Variants in INPP4B observed in about 807,000 individuals in gnomAD.
INPP4B encodes inositol polyphosphate 4-phosphatase type II.
In INPP4B, 55 loss-of-function variants were observed where a neutral mutation model predicts 122.5. The ratio of observed to expected loss-of-function variants is 0.45; its 90% confidence interval spans 0.36 to 0.56. The LOEUF is 0.56. Ranked by LOEUF, INPP4B falls within the 20% of genes least tolerant of loss-of-function variation. The probability of loss-of-function intolerance (pLI) is 0.00; values close to 1 mark genes in which losing one functional copy is unlikely to be tolerated. For synonymous variants in INPP4B, 403 were observed against 388.7 expected (o/e 1.04, Z -0.43); for missense variants, 1,000 against 1,097.7 (o/e 0.91, Z 1.26).
intron 7 of INPP4B, among the ~76,000 whole-genome samples, chr4:142,323,827 T>C (rs1017909487): frequency 2.0e-5 from 3 of 151,724 alleles, no homozygotes; most frequent in African/African-American, 7.3e-5. Context: ...CCTTTTTATG[T>C]GAGGCAAATG....
chr4:142,262,463 G>A (rs923103478), intron 10 of INPP4B, among the ~76,000 whole-genome samples: 2 of 152,020 alleles, frequency 1.3e-5, no homozygotes, highest in Non-Finnish European at 2.9e-5. Context: ...GAAAGTTTCA[G>A]CTCAAACATC....
intron 2 of INPP4B, among the ~76,000 whole-genome samples, chr4:142,677,515 T>C (rs1757988999): frequency 6.6e-6 from 1 of 152,046 alleles, no homozygotes; most frequent in South Asian, 2.1e-4. Context: ...GGATTATAAA[T>C]CATTCTAGTA....
chr4:142,341,042 A>G (rs1039633687), intron 7 of INPP4B, among the ~76,000 whole-genome samples: 1 of 152,186 alleles, frequency 6.6e-6, no homozygotes, highest in Non-Finnish European at 1.5e-5. Context: ...TGATGATAAC[A>G]ATTAAGTTAA....
At chr4:142,424,508 T>G (rs181427860) in intron 5 of INPP4B, among the ~76,000 whole-genome samples, 26 of 152,164 alleles carry the variant, frequency 1.7e-4, no homozygotes, top group Admixed American at 9.8e-4. Flanking sequence ...ACACACACCT[T>G]CCAATCTTGT....
intron 2 of INPP4B, among the ~76,000 whole-genome samples, chr4:142,545,666 G>A (rs924271632): frequency 3.0e-5 from 4 of 131,962 alleles, no homozygotes; most frequent in Admixed American, 7.3e-5. Flanking sequence ...CAAAGAACAA[G>A]AGATATTAGA....
intron 2 of INPP4B, among the ~76,000 whole-genome samples, chr4:142,606,492 G>C (rs1441768247): frequency 1.3e-5 from 2 of 151,610 alleles, no homozygotes; most frequent in African/African-American, 4.8e-5. Flanking sequence ...CACATTCTTT[G>C]CATATAAAAA....
intron 25 of INPP4B, among the ~76,000 whole-genome samples, chr4:142,046,501 A>G (rs1283300419): frequency 6.6e-6 from 1 of 152,058 alleles, no homozygotes; most frequent in East Asian, 1.9e-4. Flanking sequence ...CGGGTAATCA[A>G]CTCAGGAGAA....
At chr4:142,327,500 C>A (rs113580883) in intron 7 of INPP4B, among the ~76,000 whole-genome samples, 23 of 151,440 alleles carry the variant, frequency 1.5e-4, no homozygotes, top group Non-Finnish European at 2.7e-4. Context: ...AGCTCTCCAA[C>A]GAAGAGTCCT....
intron 8 of INPP4B, among the ~76,000 whole-genome samples, chr4:142,307,097 G>A (rs1314307319): frequency 6.6e-6 from 1 of 152,158 alleles, no homozygotes; most frequent in African/African-American, 2.4e-5. Flanking sequence ...CTGATGATAG[G>A]ACCGTGAGTG....
At chr4:142,578,540 A>G (rs971245155) in intron 2 of INPP4B, among the ~76,000 whole-genome samples, 8 of 151,802 alleles carry the variant, frequency 5.3e-5, no homozygotes, top group Non-Finnish European at 1.5e-5. Context: ...GTATCTTCAC[A>G]TGGTATTTCC....
intron 7 of INPP4B, among the ~76,000 whole-genome samples, chr4:142,357,165 C>G (rs1023947059): frequency 3.3e-5 from 5 of 151,992 alleles, no homozygotes; most frequent in Admixed American, 1.3e-4. Flanking sequence ...CTGTGAACCA[C>G]TTTAGGAAAT....
intron 12 of INPP4B, among the ~76,000 whole-genome samples, chr4:142,211,605 T>C (rs960616058): frequency 2.6e-5 from 4 of 152,154 alleles, no homozygotes; most frequent in African/African-American, 7.2e-5. Context: ...CAAGAAAACA[T>C]AGCTGGTTAT....
intron 7 of INPP4B, among the ~76,000 whole-genome samples, chr4:142,401,621 C>T (rs144407304): frequency 1.3e-5 from 2 of 152,212 alleles, no homozygotes; most frequent in East Asian, 3.9e-4. Context: ...AGTAACTTAC[C>T]CTTATTAATT....
intron 2 of INPP4B, among the ~76,000 whole-genome samples, chr4:142,552,684 A>G (rs1029431642): frequency 1.6e-4 from 24 of 152,228 alleles, no homozygotes; most frequent in Non-Finnish European, 1.2e-4. Context: ...AATTGCTACC[A>G]TTTAATATTT....
intron 1 of INPP4B, among the ~76,000 whole-genome samples, chr4:142,811,896 C>T (rs1392302321): frequency 2.0e-5 from 3 of 152,116 alleles, no homozygotes; most frequent in African/African-American, 7.2e-5. Flanking sequence ...AAATATTATG[C>T]AATCAATGAT....
chr4:142,024,036 C>T lies in INPP4B; in HGVS notation c.*4746G>A, dbSNP rs1467896968. The T allele has an allele frequency of 6.6e-6, 1 of 151,688 alleles. No individual in the cohort carries two copies. Among genetic ancestry groups the T allele is most frequent in the African/African-American group, 2.4e-5 (1 of 41,276 alleles). 9.4% of individuals were successfully genotyped at this position (151,688 alleles called of 1,614,324 possible). A position where few individuals can be genotyped will look rare whatever the true frequency, so the allele number is the denominator to read the frequency against. On this transcript the variant is annotated 3_prime_UTR_variant, in exon 26 of 26. Transcript: ENST00000262992. ...GTTCCTTTTAGAAATGTTTGATTCT[C>T]TTATTTGCTTAGAAATAGAATTCAA...
Position 142,260,558 on chromosome 4 carries a change from G to T in INPP4B, c.622C>A (p.Leu208Met). The T allele has an allele frequency of 1.3e-6, 2 of 1,560,468 alleles. No homozygotes were observed. The highest frequency in any genetic ancestry group is 1.7e-6 in the Non-Finnish European group (2 of 1,157,968). Residue 208 changes from leucine to methionine, a missense_variant, in exon 11 of 26, where the codon CTG becomes ATG. Physicochemically the swap from Leu to Met is conservative, Grantham distance 15. Coordinates refer to ENST00000262992, the MANE Select transcript of INPP4B (RefSeq NM_001101669.3). ...TTDVQGQKCA[L>M]VCECTAPESV... The stretch of plus-strand genomic sequence containing the variant: ...TCCGGGGCTGTACATTCACATACCA[G>T]GGCACACTAGGAAAAAATGTAAAAA...
chr4:142,442,220 G>A (rs894842145), intron 3 of INPP4B, among the ~76,000 whole-genome samples: 1 of 151,868 alleles, frequency 6.6e-6, no homozygotes, highest in Non-Finnish European at 1.5e-5. Flanking sequence ...AGACCAGCCT[G>A]GCCAACATGG....
chr4:142,623,097 C>A (rs1745334691), intron 2 of INPP4B, among the ~76,000 whole-genome samples: 1 of 151,960 alleles, frequency 6.6e-6, no homozygotes, highest in Non-Finnish European at 1.5e-5. Flanking sequence ...AATGGAAACT[C>A]CAGAGTCAAA....
Sources: allele counts gnomAD v4.1 joint callset (sites outside exome capture counted in the v4.1 genomes callset), GRCh38; gene constraint gnomAD v4.1.1; transcripts MANE v1.5; gene names NCBI Gene and HGNC (gene_info 2026-07-23, HGNC 2026-07-21).